Variants in SRGAP1 observed in about 807,000 individuals in gnomAD.
SRGAP1 encodes the protein SLIT-ROBO Rho GTPase activating protein 1.
SRGAP1 carries 43 observed loss-of-function variants against 121.9 expected under a neutral mutation model. That is an observed-to-expected ratio of 0.35 (90% confidence interval 0.28 to 0.46). The LOEUF (loss-of-function observed/expected upper bound fraction) is 0.46, where lower values mean the gene tolerates loss of function less well. Ranked by LOEUF, SRGAP1 falls within the 20% of genes least tolerant of loss-of-function variation. SRGAP1 has a pLI of 1.00. For missense variants in SRGAP1, 1,102 were observed against 1,350.9 expected (o/e 0.82, Z 2.89); for synonymous variants, 447 against 485.4 (o/e 0.92, Z 1.04).
At chr12:64,005,190 A>G (rs1455762202) in intron 3 of SRGAP1, among the ~76,000 whole-genome samples, 2 of 152,242 alleles carry the variant, frequency 1.3e-5, no homozygotes, top group Non-Finnish European at 2.9e-5. Flanking sequence ...AAAAGGAAAG[A>G]TCTTGACAGT....
chr12:63,866,666 A>G (rs1899643444), intron 1 of SRGAP1, among the ~76,000 whole-genome samples: 2 of 151,928 alleles, frequency 1.3e-5, no homozygotes, highest in Admixed American at 6.6e-5. Flanking sequence ...TATAATAGTT[A>G]ATCTATTTAT....
At position 64,161,502 on chromosome 12, in the gene SRGAP1, G is replaced by A. The variant is rs1479203120; in HGVS notation, c.*18830G>A. 1.3e-5 allele frequency: 2 copies of A among 152,034 alleles called. No individual in the cohort carries two copies. The highest frequency in any genetic ancestry group is 4.8e-5 in the African/African-American group (2 of 41,410). 9.4% of individuals were successfully genotyped at this position (152,034 alleles called of 1,614,324 possible). On this transcript the variant is annotated 3_prime_UTR_variant, in exon 22 of 22. Coordinates refer to ENST00000355086, the MANE Select transcript of SRGAP1 (RefSeq NM_020762.4). ...TAATTTCCAAAAGCTCTTTTTGTGAGCTGGCTGTTCATTTTTTTATAGAAT... is the reference window on the plus strand; with the variant it reads ...TAATTTCCAAAAGCTCTTTTTGTGAACTGGCTGTTCATTTTTTTATAGAAT...
intron 1 of SRGAP1, among the ~76,000 whole-genome samples, chr12:63,912,342 T>C (rs2030540919): frequency 6.6e-6 from 1 of 151,774 alleles, no homozygotes; most frequent in African/African-American, 2.4e-5. Flanking sequence ...GCACCGTGGC[T>C]CAGACCTGTA....
chr12:63,913,324 A>G (rs2030609827), intron 1 of SRGAP1, among the ~76,000 whole-genome samples: 1 of 140,890 alleles, frequency 7.1e-6, no homozygotes, highest in African/African-American at 2.6e-5. Context: ...ATGCCTAGCT[A>G]ATTTTTGTAT....
At chr12:64,045,282 G>C (rs2035107212) in intron 6 of SRGAP1, among the ~76,000 whole-genome samples, 1 of 151,916 alleles carries the variant, frequency 6.6e-6, no homozygotes, top group Non-Finnish European at 1.5e-5. Flanking sequence ...AGTTTTTTGA[G>C]TAAAAATAAA....
chr12:64,101,306 G>A (rs1006304481), intron 15 of SRGAP1, among the ~76,000 whole-genome samples: 1 of 112,268 alleles, frequency 8.9e-6, no homozygotes, highest in Non-Finnish European at 1.9e-5. Context: ...TTTGGGGAAA[G>A]GGGTGTGTGT....
At chr12:64,004,630 A>C (rs1043743931) in intron 3 of SRGAP1, among the ~76,000 whole-genome samples, 7 of 152,174 alleles carry the variant, frequency 4.6e-5, no homozygotes, top group Non-Finnish European at 7.3e-5. Flanking sequence ...TCGGCCTCCC[A>C]AAGTGCTGGG....
intron 1 of SRGAP1, among the ~76,000 whole-genome samples, chr12:63,865,561 T>G (rs555877089): frequency 6.6e-6 from 1 of 152,184 alleles, no homozygotes. Flanking sequence ...GGAAGTGTTT[T>G]CCCTGCAAAA....
chr12:63,866,975 C>G (rs569366042), intron 1 of SRGAP1, among the ~76,000 whole-genome samples: 1 of 151,934 alleles, frequency 6.6e-6, no homozygotes, highest in East Asian at 1.9e-4. Context: ...CTCAACTGAT[C>G]CTCCCACCTC....
intron 1 of SRGAP1, among the ~76,000 whole-genome samples, chr12:63,883,017 C>T (rs1900247818): frequency 6.6e-6 from 1 of 152,228 alleles, no homozygotes; most frequent in Non-Finnish European, 1.5e-5. Flanking sequence ...AGGGGCAGAT[C>T]TGGTTCATCA....
intron 1 of SRGAP1, among the ~76,000 whole-genome samples, chr12:63,899,448 A>G (rs1900860905): frequency 6.6e-6 from 1 of 152,262 alleles, no homozygotes; most frequent in Non-Finnish European, 1.5e-5. Context: ...TTAATTGAGC[A>G]AAGAACAATT....
chr12:64,052,886 T>G (rs1164831354), intron 6 of SRGAP1, among the ~76,000 whole-genome samples: 7 of 152,222 alleles, frequency 4.6e-5, no homozygotes, highest in Admixed American at 4.6e-4. Context: ...GAAAAAATAT[T>G]CTGGACATGT....
chr12:63,923,286 A>C (rs1489840386), intron 1 of SRGAP1, among the ~76,000 whole-genome samples: 1 of 152,102 alleles, frequency 6.6e-6, no homozygotes, highest in Non-Finnish European at 1.5e-5. Context: ...TTATAGATAG[A>C]TTTTATTCAT....
At chr12:64,113,860 A>G (rs1460381645) in intron 17 of SRGAP1, among the ~76,000 whole-genome samples, 1 of 152,138 alleles carries the variant, frequency 6.6e-6, no homozygotes, top group East Asian at 1.9e-4. Context: ...CTCCCTGCCC[A>G]CCTCAGAAAC....
At chr12:64,135,376 ACT>A (rs1417974190) in intron 21 of SRGAP1, among the ~76,000 whole-genome samples, 1 of 152,066 alleles carries the variant, frequency 6.6e-6, no homozygotes, top group African/African-American at 2.4e-5. Context: ...GGGAGATAAG[ACT>A]CACACTCAGG....
chr12:63,933,919 T>A (rs2031569684), intron 1 of SRGAP1, among the ~76,000 whole-genome samples: 1 of 152,158 alleles, frequency 6.6e-6, no homozygotes. Flanking sequence ...CACAACAATG[T>A]TAATAAAAAG....
chr12:63,983,420 C>G (rs370867226), intron 1 of SRGAP1: 3 of 152,182 alleles, frequency 2.0e-5, no homozygotes, highest in African/African-American at 4.8e-5. Flanking sequence ...AAATGTAACC[C>G]ACATATTTAT....
In SRGAP1 at chr12:64,044,037, T is replaced by C. The variant is rs1051859267; in HGVS notation, c.801+462T>C. On this transcript the variant is annotated intron_variant, in intron 6 of 21. Coordinates refer to ENST00000355086, the MANE Select transcript of SRGAP1 (RefSeq NM_020762.4). Reference sequence around the variant, plus strand: ...TAAATGGATGATTACTTTATTACAGTTGTGATCATTACTGGGATGCAAAAT... The same window carrying C: ...TAAATGGATGATTACTTTATTACAGCTGTGATCATTACTGGGATGCAAAAT... 6.6e-5 allele frequency among the ~76,000 whole-genome samples: 10 copies of C among 152,188 alleles called. 1 individual carries two copies. The highest frequency in any genetic ancestry group is 2.4e-4 in the African/African-American group (10 of 41,440).
chr12:64,141,272 TAAAA>T (rs977006357), intron 21 of SRGAP1, among the ~76,000 whole-genome samples: 7 of 48,214 alleles, frequency 1.5e-4, no homozygotes, highest in South Asian at 6.0e-4. Context: ...TAAAGTATAA[TAAAA>T]AAAAAAAAAA....
Sources: allele counts gnomAD v4.1 joint callset (sites outside exome capture counted in the v4.1 genomes callset), GRCh38; gene constraint gnomAD v4.1.1; transcripts MANE v1.5; gene names NCBI Gene and HGNC (gene_info 2026-07-23, HGNC 2026-07-21).